RIMS2: variants seen among roughly 807,000 people sequenced by gnomAD.
RIMS2 encodes regulating synaptic membrane exocytosis protein 2.
Under a neutral mutation model 174.4 loss-of-function variants are expected in RIMS2, and 59 were observed. That is an observed-to-expected ratio of 0.34 (90% CI 0.27 to 0.42). The LOEUF is 0.42. Among genes scored for constraint, RIMS2 ranks in the 10% least tolerant of loss-of-function variants. The pLI is 1.00. For missense variants in RIMS2, 1,620 were observed against 1,666.3 expected (o/e 0.97, Z 0.48); for synonymous variants, 606 against 572.5 (o/e 1.06, Z -0.84).
intron 11 of RIMS2, among the ~76,000 whole-genome samples, chr8:103,930,899 A>T (rs1353688404): frequency 6.6e-6 from 1 of 152,108 alleles, no homozygotes; most frequent in Admixed American, 6.6e-5. Flanking sequence ...CTTATTCTGA[A>T]CTCAGTATTG....
chr8:103,518,413 T>C (rs1830050126), intron 1 of RIMS2, among the ~76,000 whole-genome samples: 1 of 152,178 alleles, frequency 6.6e-6, no homozygotes, highest in South Asian at 2.1e-4. Context: ...TATGAATTTG[T>C]GTTGAGCCTC....
chr8:104,188,233 A>AGAT (rs1554594369), intron 19 of RIMS2, among the ~76,000 whole-genome samples: 13 of 135,922 alleles, frequency 9.6e-5, no homozygotes, highest in African/African-American at 3.1e-4. Flanking sequence ...ATAGATAGAT[A>AGAT]GATAGATAGA....
At chr8:103,633,945 C>T (rs975630026) in intron 1 of RIMS2, among the ~76,000 whole-genome samples, 1 of 151,822 alleles carries the variant, frequency 6.6e-6, no homozygotes, top group African/African-American at 2.4e-5. Context: ...AGTTAGTGGC[C>T]TATTAATTTT....
intron 1 of RIMS2, among the ~76,000 whole-genome samples, chr8:103,646,022 AG>A (rs1415962264): frequency 6.6e-6 from 1 of 151,866 alleles, no homozygotes; most frequent in Non-Finnish European, 1.5e-5. Context: ...TTACAGTCAA[AG>A]GGGGGTTGTT....
intron 3 of RIMS2, among the ~76,000 whole-genome samples, chr8:103,779,463 T>C (rs1483176267): frequency 6.6e-6 from 1 of 152,122 alleles, no homozygotes; most frequent in Non-Finnish European, 1.5e-5. Flanking sequence ...CTTCTGTATA[T>C]GAATATCCAG....
At position 104,228,587 on chromosome 8, in the gene RIMS2, G is replaced by T. The variant is rs76382980; in HGVS notation, c.3335-16329G>T. Among the ~76,000 whole-genome samples the T allele has an allele frequency of 1.4e-4, 21 of 152,230 alleles. No homozygotes were observed. The East Asian group carries it at 2.5e-3, about 18-fold the overall frequency. On this transcript the variant is annotated intron_variant, in intron 19 of 23. Coordinates refer to ENST00000504942, the Ensembl canonical transcript of RIMS2. The stretch of plus-strand genomic sequence containing the variant: ...GTCTATTAATAATTAACAGTATATA[G>T]TTCCACCATTCTTTTCACACTGAAT...
intron 1 of RIMS2, among the ~76,000 whole-genome samples, chr8:103,599,626 T>G (rs2133680080): frequency 6.6e-6 from 1 of 151,654 alleles, no homozygotes; most frequent in Admixed American, 6.6e-5. Context: ...TTTTTTGTTT[T>G]GTTTTGTAGA....
At chr8:103,837,826 G>A (rs2154484386) in intron 3 of RIMS2, among the ~76,000 whole-genome samples, 1 of 152,110 alleles carries the variant, frequency 6.6e-6, no homozygotes, top group East Asian at 1.9e-4. Context: ...AAACATACGT[G>A]TGCATGTGTC....
intron 19 of RIMS2, among the ~76,000 whole-genome samples, chr8:104,098,791 A>G (rs975659574): frequency 6.6e-6 from 1 of 152,212 alleles, no homozygotes; most frequent in African/African-American, 2.4e-5. Context: ...CTGCTAACAT[A>G]TTCTAGATCA....
At chr8:103,625,197 A>G (rs1334043563) in intron 1 of RIMS2, among the ~76,000 whole-genome samples, 2 of 148,868 alleles carry the variant, frequency 1.3e-5, no homozygotes, top group Admixed American at 1.3e-4. Flanking sequence ...TTTTTTTATT[A>G]TACTTTAAGT....
intron 3 of RIMS2, among the ~76,000 whole-genome samples, chr8:103,791,694 C>A (rs1592493863): frequency 6.6e-6 from 1 of 152,026 alleles, no homozygotes; most frequent in African/African-American, 2.4e-5. Context: ...TGCAGAGACA[C>A]ACATAGACTC....
chr8:103,719,011 A>G (rs1390862405), intron 2 of RIMS2, among the ~76,000 whole-genome samples: 1 of 152,156 alleles, frequency 6.6e-6, no homozygotes, highest in Non-Finnish European at 1.5e-5. Flanking sequence ...CTGGAAAAAT[A>G]TAAAATATTC....
intron 1 of RIMS2, among the ~76,000 whole-genome samples, chr8:103,596,505 C>G (rs1050350165): frequency 3.3e-5 from 5 of 152,006 alleles, no homozygotes; most frequent in Non-Finnish European, 7.4e-5. Flanking sequence ...GTAAATATCT[C>G]AAATATTAAT....
chr8:103,595,651 A>G (rs932718117), intron 1 of RIMS2, among the ~76,000 whole-genome samples: 3 of 151,964 alleles, frequency 2.0e-5, no homozygotes, highest in Non-Finnish European at 4.4e-5. Flanking sequence ...TAGGAACTGC[A>G]GTATAAGAAG....
intron 19 of RIMS2, among the ~76,000 whole-genome samples, chr8:104,161,873 TC>T (rs751586177): frequency 2.1e-4 from 32 of 152,338 alleles, no homozygotes; most frequent in Middle Eastern, 3.4e-3. Context: ...GTTCCCATTT[TC>T]CTGGACATAT....
chr8:104,064,599 C>T (rs2097069938), intron 19 of RIMS2, among the ~76,000 whole-genome samples: 1 of 151,800 alleles, frequency 6.6e-6, no homozygotes, highest in Admixed American at 6.6e-5. Context: ...AGGGCCATTT[C>T]CACCATAATT....
At chr8:103,560,143 C>A (rs1420140575) in intron 1 of RIMS2, among the ~76,000 whole-genome samples, 1 of 152,220 alleles carries the variant, frequency 6.6e-6, no homozygotes, top group African/African-American at 2.4e-5. Flanking sequence ...GTCAGTGCAT[C>A]TTCTCACAGG....
chr8:103,517,594 G>A (rs965730329), intron 1 of RIMS2, among the ~76,000 whole-genome samples: 1 of 152,188 alleles, frequency 6.6e-6, no homozygotes, highest in Non-Finnish European at 1.5e-5. Context: ...GTCTAGTGCA[G>A]TCTTATAGAA....
intron 19 of RIMS2, among the ~76,000 whole-genome samples, chr8:104,184,154 A>AT (rs374737668): frequency 5.9e-5 from 9 of 151,624 alleles, no homozygotes; most frequent in South Asian, 2.1e-4. Flanking sequence ...ACATAATGTG[A>AT]TTTTTTGTCT....
Sources: allele counts gnomAD v4.1 joint callset (sites outside exome capture counted in the v4.1 genomes callset), GRCh38; gene constraint gnomAD v4.1.1; transcripts MANE v1.5; gene names NCBI Gene and HGNC (gene_info 2026-07-23, HGNC 2026-07-21).